Variants in DCC observed in about 807,000 individuals in gnomAD.
DCC encodes netrin receptor DCC.
In DCC, 58 loss-of-function variants were observed where a neutral mutation model predicts 172.5. The ratio of observed to expected loss-of-function variants is 0.34; its 90% confidence interval spans 0.27 to 0.42. The LOEUF is 0.42. Among genes scored for constraint, DCC ranks in the 10% least tolerant of loss-of-function variants. The pLI is 1.00. For missense variants in DCC, 1,740 were observed against 1,791.0 expected (o/e 0.97, Z 0.51); for synonymous variants, 709 against 644.5 (o/e 1.10, Z -1.52).
intron 1 of DCC, among the ~76,000 whole-genome samples, chr18:52,649,994 T>TG (rs2035099052): frequency 7.4e-5 from 9 of 122,128 alleles, no homozygotes; most frequent in Admixed American, 2.5e-4. Flanking sequence ...TTTTTTTTTT[T>TG]TGAGATGGAG....
chr18:53,271,668 C>T (rs953038359), intron 12 of DCC, among the ~76,000 whole-genome samples: 3 of 152,086 alleles, frequency 2.0e-5, no homozygotes, highest in African/African-American at 2.4e-5. Context: ...AAACTCAAGC[C>T]GGAAGCTATC....
At chr18:52,920,305 C>T (rs1197716881) in intron 3 of DCC, among the ~76,000 whole-genome samples, 1 of 151,608 alleles carries the variant, frequency 6.6e-6, no homozygotes, top group African/African-American at 2.4e-5. Context: ...ATTTGCAAAA[C>T]ACACTTGTGA....
intron 5 of DCC, among the ~76,000 whole-genome samples, chr18:52,997,255 C>T (rs542520682): frequency 1.2e-4 from 18 of 152,232 alleles, no homozygotes; most frequent in African/African-American, 4.3e-4. Context: ...CAGATATCTA[C>T]AAGCCTCCAT....
intron 1 of DCC, among the ~76,000 whole-genome samples, chr18:52,432,478 C>T (rs756706796): frequency 2.6e-5 from 4 of 152,144 alleles, no homozygotes; most frequent in African/African-American, 4.8e-5. Context: ...TAAGCACCCT[C>T]TGTTGCTCTT....
intron 7 of DCC, among the ~76,000 whole-genome samples, chr18:53,084,161 C>T (rs77623689): frequency 6.6e-6 from 1 of 152,294 alleles, no homozygotes; most frequent in East Asian, 1.9e-4. Context: ...AGGCTCTTTA[C>T]AGAGTCCCGA....
In DCC at chr18:53,271,219, A is replaced by C. The variant is rs531810492; in HGVS notation, c.1912-34359A>C. Among the ~76,000 whole-genome samples the C allele has an allele frequency of 3.9e-4, 60 of 152,314 alleles. 1 individual carries two copies. In the Middle Eastern group the frequency reaches 0.02, roughly 52 times the overall value. ...AGTGCTATTGAAGGGAGGTTTCCTA[A>C]GTGGTCTCTGACCATAGATACAGAT... On this transcript the variant is annotated intron_variant, in intron 12 of 28. Transcript: ENST00000442544.
chr18:52,708,079 A>G (rs926280894), intron 1 of DCC, among the ~76,000 whole-genome samples: 4 of 152,216 alleles, frequency 2.6e-5, no homozygotes, highest in African/African-American at 9.7e-5. Flanking sequence ...TTATGTATAC[A>G]TATGTCCAAA....
intron 2 of DCC, among the ~76,000 whole-genome samples, chr18:52,877,330 C>T (rs1455356046): frequency 6.6e-6 from 1 of 152,136 alleles, no homozygotes; most frequent in African/African-American, 2.4e-5. Flanking sequence ...AAAAAGAAAG[C>T]AGCCCCAGTT....
intron 1 of DCC, among the ~76,000 whole-genome samples, chr18:52,687,732 A>G (rs1011079643): frequency 3.3e-5 from 5 of 152,144 alleles, no homozygotes; most frequent in Admixed American, 6.6e-5. Context: ...TATTGTTACT[A>G]AAATGTTTCA....
chr18:53,517,679 C>T (rs1286483445), intron 27 of DCC, among the ~76,000 whole-genome samples: 1 of 151,924 alleles, frequency 6.6e-6, no homozygotes, highest in East Asian at 1.9e-4. Context: ...GAGCAGGGCA[C>T]CTCATCAGCA....
intron 1 of DCC, among the ~76,000 whole-genome samples, chr18:52,479,591 G>A (rs1287910640): frequency 8.6e-4 from 41 of 47,418 alleles, no homozygotes; most frequent in African/African-American, 3.4e-3. Flanking sequence ...CCCCCCCCCC[G>A]TCTCCCTTCC....
intron 12 of DCC, among the ~76,000 whole-genome samples, chr18:53,255,549 C>T (rs184365979): frequency 6.6e-6 from 1 of 151,772 alleles, no homozygotes. Context: ...TGAACTCATC[C>T]TTTTTTATGG....
intron 1 of DCC, among the ~76,000 whole-genome samples, chr18:52,496,625 C>A (rs879745317): frequency 2.0e-5 from 3 of 151,952 alleles, no homozygotes; most frequent in Non-Finnish European, 2.9e-5. Flanking sequence ...TCATTTCTGG[C>A]CCTGTATATC....
At chr18:52,365,861 G>T (rs1285221937) in intron 1 of DCC, among the ~76,000 whole-genome samples, 1 of 152,168 alleles carries the variant, frequency 6.6e-6, no homozygotes, top group East Asian at 1.9e-4. Flanking sequence ...ATAAATAAAT[G>T]AGTATGGCTT....
chr18:53,023,346 A>AC (rs879344389), intron 5 of DCC, among the ~76,000 whole-genome samples: 1 of 141,876 alleles, frequency 7.0e-6, no homozygotes, highest in Non-Finnish European at 1.5e-5. Flanking sequence ...TAAAAAAAAA[A>AC]CATAAAAAAA....
chr18:52,955,655 A>G (rs968791874), intron 5 of DCC, among the ~76,000 whole-genome samples: 1 of 152,154 alleles, frequency 6.6e-6, no homozygotes, highest in Non-Finnish European at 1.5e-5. Flanking sequence ...ACCATTTTGC[A>G]TTCCCACCAA....
intron 28 of DCC, 96 bp downstream of exon 28, chr18:53,526,855 A>AGGCCACCCCT (rs1162664344): frequency 2.0e-6 from 2 of 1,020,104 alleles, no homozygotes; most frequent in East Asian, 4.8e-5. Context: ...CATTCACCCC[A>AGGCCACCCCT]GGCCACCCCA....
At position 52,759,647 on chromosome 18, in the gene DCC, T is replaced by C. The variant is rs1023897969; in HGVS notation, c.412+7273T>C. Among the ~76,000 whole-genome samples, 4 of 152,278 alleles carry C rather than the reference T, an allele frequency of 2.6e-5. No individual in the cohort carries two copies. In the South Asian group the frequency reaches 6.2e-4, roughly 24 times the overall value. On this transcript the variant is annotated intron_variant, in intron 2 of 28. Transcript: ENST00000442544. ...CTCTTTTGAATTTTAGAAAACCTTT[T>C]TGGAATACAAAAATTTAAGTTTCTT...
chr18:52,588,753 C>T (rs1052522041), intron 1 of DCC, among the ~76,000 whole-genome samples: 1 of 152,072 alleles, frequency 6.6e-6, no homozygotes, highest in African/African-American at 2.4e-5. Flanking sequence ...GAAGCAGGAA[C>T]AGGTGAAAGA....
Sources: allele counts gnomAD v4.1 joint callset (sites outside exome capture counted in the v4.1 genomes callset), GRCh38; gene constraint gnomAD v4.1.1; transcripts MANE v1.5; gene names NCBI Gene and HGNC (gene_info 2026-07-23, HGNC 2026-07-21).